The following MADD variants were observed in gnomAD, a reference collection of about 807,000 sequenced individuals.
MADD encodes MAP kinase-activating death domain protein.
MADD carries 109 observed loss-of-function variants against 176.7 expected under a neutral mutation model. The observed-to-expected ratio is 0.62, with a 90% CI of 0.53 to 0.72. The LOEUF (loss-of-function observed/expected upper bound fraction) is 0.72. Ranked by LOEUF, MADD falls within the 30% of genes least tolerant of loss-of-function variation. The probability of loss-of-function intolerance (pLI) is 0.00; values close to 1 mark genes in which losing one functional copy is unlikely to be tolerated. For synonymous variants in MADD, 771 were observed against 771.3 expected, an observed-to-expected ratio of 1.00 and a Z score of 0.01; for missense variants, 1,914 against 2,045.5, an observed-to-expected ratio of 0.94 and a Z score of 1.24.
At chr11:47,293,771 G>GAC in intron 19 of MADD, 112 bp from the exon 22 acceptor site, 1 of 680,554 alleles carries the variant, frequency 1.5e-6, no homozygotes, top group South Asian at 1.8e-5. Context: ...TTGGAAAGGT[G>GAC]ACTAGGATGG....
chr11:47,270,433 G>A (rs1053578308), intron 1 of MADD, among the ~76,000 whole-genome samples, 187 bp downstream of exon 1: 10 of 150,352 alleles, frequency 6.7e-5, no homozygotes, highest in Non-Finnish European at 1.3e-4. Context: ...GGCGCCCCGG[G>A]CAGAGGAGGG....
intron 18 of MADD, 73 bp downstream of exon 19, chr11:47,290,372 T>C (rs2064112886): frequency 1.3e-6 from 2 of 1,558,764 alleles, no homozygotes; most frequent in African/African-American, 1.4e-5. Context: ...AAAATATATG[T>C]GTACCCAGGA....
rs1334603936 is a variant in MADD at position 47,320,056 on chromosome 11, T to G, written c.4198-3615T>G. Among the ~76,000 whole-genome samples, 3 of 150,032 alleles carry G rather than the reference T, an allele frequency of 2.0e-5. No individual in the cohort carries two copies. The South Asian group carries it at 6.3e-4, about 32-fold the overall frequency. ...AATTTGCTTTTTTCACTTAATGATA[T>G]ACCTTTCCGTGTCTTTTTTTTTTTT... On this transcript the variant is annotated intron_variant, in intron 27 of 32. Transcript: ENST00000402192.
chr11:47,295,186 A>G (rs1326447557), intron 20 of MADD, among the ~76,000 whole-genome samples: 1 of 151,568 alleles, frequency 6.6e-6, no homozygotes, highest in African/African-American at 2.4e-5. Context: ...AAGTTTGTGT[A>G]TTTTTTGTAG....
chr11:47,317,393 T>C (rs958228607), intron 27 of MADD, among the ~76,000 whole-genome samples: 5 of 152,244 alleles, frequency 3.3e-5, no homozygotes, highest in Non-Finnish European at 5.9e-5. Flanking sequence ...GATATAATTC[T>C]TAAGTGTCTC....
rs185538885 is a variant in MADD, at chr11:47,285,468, G to A, written c.2429G>A (p.Arg810Gln). ...CATTCAAGGGCTCAAAAGCTGCTGC[G>A]GCCCAACAGCTTGAGACTGGCAAGT... is the stretch of plus-strand genomic sequence containing the variant. The change falls in exon 14 of 33, where the codon CGG (arginine) becomes CAG (glutamine). Residue 810 changes from arginine to glutamine, a missense_variant. Physicochemically the swap from Arg to Gln is conservative, Grantham distance 43. Transcript: ENST00000402192. 7 of 1,614,000 alleles carry A rather than the reference G, an allele frequency of 4.3e-6. No individual in the cohort carries two copies. Among genetic ancestry groups the A allele is most frequent in the African/African-American group, 2.7e-5 (2 of 74,902 alleles).
intron 21 of MADD, 69 bp from the exon 24 acceptor site, chr11:47,295,828 C>T (rs967666968): frequency 1.9e-6 from 3 of 1,553,560 alleles, no homozygotes; most frequent in African/African-American, 2.8e-5. Flanking sequence ...TGGCAGGGAG[C>T]TCTAACAGCT....
intron 6 of MADD, 47 bp from the exon 7 acceptor site, chr11:47,278,952 G>C: frequency 6.6e-7 from 1 of 1,522,006 alleles, no homozygotes; most frequent in Non-Finnish European, 9.1e-7. Context: ...TGAAATTCCT[G>C]AGCAATAAAC....
intron 13 of MADD, 55 bp from the exon 14 acceptor site, chr11:47,285,396 C>T: frequency 1.2e-6 from 2 of 1,608,726 alleles, no homozygotes; most frequent in Non-Finnish European, 1.7e-6. Flanking sequence ...ATGGCCCATA[C>T]TCCCAAGATC....
At chr11:47,296,875 A>C (rs1468126091) in intron 22 of MADD, among the ~76,000 whole-genome samples, 5 of 151,660 alleles carry the variant, frequency 3.3e-5, no homozygotes, top group African/African-American at 9.7e-5. Flanking sequence ...GTTAGGCTCA[A>C]GTGATCCTCC....
intron 31 of MADD, chr11:47,327,581 A>C (rs926138411): frequency 3.1e-6 from 3 of 983,476 alleles, no homozygotes; most frequent in Non-Finnish European, 2.4e-6. Context: ...CTTTCTTCCT[A>C]CCTTGCCTCC....
chr11:47,270,116 A>C (rs1958818446), upstream of MADD: 2 of 151,456 alleles, frequency 1.3e-5, no homozygotes, highest in Admixed American at 1.3e-4. Context: ...ACCCCGCGCG[A>C]GTGGTGCGTG....
chr11:47,292,353 T>A (rs2066045226), intron 19 of MADD, among the ~76,000 whole-genome samples, 190 bp from the exon 21 acceptor site: 1 of 152,188 alleles, frequency 6.6e-6, no homozygotes, highest in Non-Finnish European at 1.5e-5. Context: ...AATCTGTTCA[T>A]GAGTTTGGGT....
In MADD at chr11:47,326,483, T is replaced by C. The variant is rs2095470142; in HGVS notation, c.4543-255T>C. The C allele has an allele frequency of 6.2e-6, 8 of 1,287,698 alleles. No homozygotes were observed. In the South Asian group the frequency reaches 1.5e-4, roughly 25 times the overall value. 79.8% of individuals were successfully genotyped at this position (1,287,698 alleles called of 1,614,324 possible). A position where few individuals can be genotyped will look rare whatever the true frequency, so the allele number is the denominator to read the frequency against. On this transcript the variant is annotated intron_variant, in intron 30 of 32. Transcript: ENST00000402192. The stretch of plus-strand genomic sequence containing the variant: ...CCAGGCCAGCAGCAGGGCCTTCGGG[T>C]TGGGTTTGACCATTCAAACTAACGC...
At chr11:47,321,814 G>A (rs944914488) in intron 27 of MADD, among the ~76,000 whole-genome samples, 2 of 152,124 alleles carry the variant, frequency 1.3e-5, no homozygotes, top group African/African-American at 4.8e-5. Context: ...ATTTCAGGCT[G>A]GGGCAGCTGG....
chr11:47,276,996 T>A, intron 5 of MADD, 133 bp downstream of exon 5: 2 of 1,078,474 alleles, frequency 1.9e-6, no homozygotes, highest in South Asian at 1.6e-5. Flanking sequence ...AAAATCTGAC[T>A]GATTTGAACT....
intron 22 of MADD, among the ~76,000 whole-genome samples, chr11:47,305,890 G>A (rs1005966155): frequency 3.9e-5 from 6 of 152,172 alleles, no homozygotes; most frequent in African/African-American, 1.2e-4. Context: ...CCTGGAATGC[G>A]TAGCTGCTCA....
At chr11:47,290,522 C>G (rs2064253734) in intron 18 of MADD, 88 bp from the exon 20 acceptor site, 6 of 1,377,492 alleles carry the variant, frequency 4.4e-6, no homozygotes, top group Non-Finnish European at 6.0e-6. Context: ...CATTCCGCAC[C>G]CTCCTGTATC....
At position 47,290,597 on chromosome 11, in the gene MADD, A is replaced by AT; in HGVS notation, c.3095-8dup. ...TCACTACTTCTCTTGACCTCTTGAT[A>AT]TTTTTCCCTCAGAACCAGACAAGCG... On this transcript the variant is annotated splice_polypyrimidine_tract_variant and intron_variant, in intron 18 of 32. Coordinates refer to ENST00000402192, the Ensembl canonical transcript of MADD. 6.2e-7 allele frequency: 1 copy of AT among 1,609,214 alleles called. No individual in the cohort carries two copies. Among genetic ancestry groups the AT allele is most frequent in the East Asian group, 2.2e-5 (1 of 44,736 alleles).
Sources: allele counts gnomAD v4.1 joint callset (sites outside exome capture counted in the v4.1 genomes callset), GRCh38; gene constraint gnomAD v4.1.1; transcripts MANE v1.5; gene names NCBI Gene and HGNC (gene_info 2026-07-23, HGNC 2026-07-21).